The following ELOVL6 variants were observed in gnomAD, a reference collection of about 807,000 sequenced individuals.
The protein encoded by ELOVL6 is very long chain fatty acid elongase 6.
Under a neutral mutation model 31.7 loss-of-function variants are expected in ELOVL6, and 8 were observed. That is an observed-to-expected ratio of 0.25 (90% CI 0.15 to 0.45). The LOEUF is 0.45. Ranked by LOEUF, ELOVL6 falls within the 20% of genes least tolerant of loss-of-function variation. The pLI is 1.00. For missense variants in ELOVL6, 126 were observed against 326.4 expected (o/e 0.39, Z 4.73); for synonymous variants, 101 against 117.7 (o/e 0.86, Z 0.92).
chr4:110,110,010 T>C (rs1247218138), intron 1 of ELOVL6, among the ~76,000 whole-genome samples: 1 of 152,184 alleles, frequency 6.6e-6, no homozygotes, highest in Non-Finnish European at 1.5e-5. Context: ...ATCTACCTAG[T>C]GCAGAGAAAG....
intron 1 of ELOVL6, among the ~76,000 whole-genome samples, chr4:110,160,626 G>A (rs1384738268): frequency 3.9e-5 from 6 of 152,102 alleles, no homozygotes; most frequent in Admixed American, 6.6e-5. Flanking sequence ...TCCTCTCTAG[G>A]CTATTGTAAC....
At chr4:110,151,444 G>C (rs576271601) in intron 1 of ELOVL6, among the ~76,000 whole-genome samples, 1 of 152,074 alleles carries the variant, frequency 6.6e-6, no homozygotes, top group African/African-American at 2.4e-5. Context: ...TGTCATGTTA[G>C]CACTCAAAAA....
chr4:110,084,333 A>ATATG (rs1330044907), intron 2 of ELOVL6, among the ~76,000 whole-genome samples: 4 of 76,820 alleles, frequency 5.2e-5, no homozygotes, highest in African/African-American at 2.6e-4. Flanking sequence ...TTTGATATAT[A>ATATG]TCACATATAT....
At chr4:110,145,315 C>A (rs1322773299) in intron 1 of ELOVL6, among the ~76,000 whole-genome samples, 1 of 152,128 alleles carries the variant, frequency 6.6e-6, no homozygotes, top group Non-Finnish European at 1.5e-5. Flanking sequence ...TCTTCCCCAA[C>A]CCCCACTCCA....
intron 2 of ELOVL6, among the ~76,000 whole-genome samples, chr4:110,079,394 C>A (rs1755760796): frequency 2.6e-5 from 4 of 152,306 alleles, no homozygotes; most frequent in African/African-American, 9.6e-5. Context: ...AACTGTCTCT[C>A]AGACCACGGT....
chr4:110,054,839 G>A (rs1754934842), intron 3 of ELOVL6, among the ~76,000 whole-genome samples: 1 of 152,116 alleles, frequency 6.6e-6, no homozygotes, highest in African/African-American at 2.4e-5. Flanking sequence ...TTAGGGAGGG[G>A]AGTGGAGTGG....
At chr4:110,055,573 G>T (rs1263367274) in intron 3 of ELOVL6, among the ~76,000 whole-genome samples, 1 of 152,110 alleles carries the variant, frequency 6.6e-6, no homozygotes, top group African/African-American at 2.4e-5. Flanking sequence ...CTTTGCAGCT[G>T]CAGGAAAAGC....
intron 2 of ELOVL6, among the ~76,000 whole-genome samples, chr4:110,097,592 T>G (rs937310347): frequency 9.2e-5 from 14 of 152,170 alleles, no homozygotes; most frequent in Admixed American, 6.5e-4. Flanking sequence ...AAAATATGTT[T>G]TGGTGTCATT....
intron 1 of ELOVL6, among the ~76,000 whole-genome samples, chr4:110,136,089 A>G (rs1308483125): frequency 6.6e-6 from 1 of 152,182 alleles, no homozygotes; most frequent in Non-Finnish European, 1.5e-5. Flanking sequence ...ATGTTCATAA[A>G]CTGAGCTGCA....
intron 1 of ELOVL6, among the ~76,000 whole-genome samples, chr4:110,169,789 GTTTTC>G (rs1758888919): frequency 6.8e-6 from 1 of 147,766 alleles, no homozygotes; most frequent in Non-Finnish European, 1.5e-5. Context: ...TTTATATTTA[GTTTTC>G]TTTTCTTTCT....
intron 1 of ELOVL6, among the ~76,000 whole-genome samples, chr4:110,108,100 A>T (rs188282078): frequency 1.3e-5 from 2 of 152,266 alleles, no homozygotes; most frequent in East Asian, 3.9e-4. Context: ...GATGAAGAAG[A>T]ATTTCCCATC....
chr4:110,097,342 C>T (rs993510662), intron 2 of ELOVL6, among the ~76,000 whole-genome samples: 1 of 147,044 alleles, frequency 6.8e-6, no homozygotes, highest in African/African-American at 2.5e-5. Context: ...ATCCTCTACC[C>T]CACTACCTTT....
chr4:110,194,720 G>GT, intron 1 of ELOVL6, among the ~76,000 whole-genome samples: 1 of 152,284 alleles, frequency 6.6e-6, no homozygotes, highest in South Asian at 2.1e-4. Context: ...GCTATGGTTA[G>GT]TAAGTATGGA....
At chr4:110,128,888 A>C (rs1231319677) in intron 1 of ELOVL6, among the ~76,000 whole-genome samples, 1 of 152,230 alleles carries the variant, frequency 6.6e-6, no homozygotes, top group Non-Finnish European at 1.5e-5. Context: ...TTCTCAGCTC[A>C]CTTGGAACAT....
At chr4:110,113,135 G>A (rs1342332263) in intron 1 of ELOVL6, among the ~76,000 whole-genome samples, 1 of 151,530 alleles carries the variant, frequency 6.6e-6, no homozygotes, top group Non-Finnish European at 1.5e-5. Context: ...GGCTGAGGCA[G>A]GAGAATGGCG....
chr4:110,165,984 G>A (rs1420866488), intron 1 of ELOVL6, among the ~76,000 whole-genome samples: 1 of 152,124 alleles, frequency 6.6e-6, no homozygotes, highest in African/African-American at 2.4e-5. Flanking sequence ...CCACGATCCT[G>A]CTTTCAATAC....
intron 1 of ELOVL6, among the ~76,000 whole-genome samples, chr4:110,191,866 C>T (rs1293898524): frequency 6.6e-6 from 1 of 151,938 alleles, no homozygotes; most frequent in Non-Finnish European, 1.5e-5. Context: ...AACCTCCGTC[C>T]CCCTCATAAC....
At chr4:110,192,855 CAA>C (rs1214500763) in intron 1 of ELOVL6, among the ~76,000 whole-genome samples, 1 of 152,204 alleles carries the variant, frequency 6.6e-6, no homozygotes. Flanking sequence ...GATCCTCACA[CAA>C]GTTTTAATCC....
intron 2 of ELOVL6, among the ~76,000 whole-genome samples, chr4:110,062,279 T>C (rs1328409512): frequency 6.6e-6 from 1 of 152,212 alleles, no homozygotes; most frequent in Non-Finnish European, 1.5e-5. Flanking sequence ...TATCTGGACA[T>C]GTGCCTCATT....
Sources: allele counts gnomAD v4.1 joint callset (sites outside exome capture counted in the v4.1 genomes callset), GRCh38; gene constraint gnomAD v4.1.1; transcripts MANE v1.5; gene names NCBI Gene and HGNC (gene_info 2026-07-23, HGNC 2026-07-21).